Variants in DSP observed in about 807,000 individuals in gnomAD.
DSP encodes desmoplakin.
In DSP, 114 loss-of-function variants were observed where a neutral mutation model predicts 290.6. The observed-to-expected ratio is 0.39, with a 90% CI of 0.34 to 0.46. The LOEUF (loss-of-function observed/expected upper bound fraction) is 0.46. Ranked by LOEUF, DSP falls within the 20% of genes least tolerant of loss-of-function variation. The probability of loss-of-function intolerance (pLI) is 0.99; values close to 1 mark genes in which losing one functional copy is unlikely to be tolerated. For synonymous variants in DSP, 1,311 were observed against 1,316.4 expected (o/e 1.00, Z 0.09); for missense variants, 3,230 against 3,495.8 (o/e 0.92, Z 1.92).
Position 7,571,597 on chromosome 6 carries a change from C to T in DSP, c.1903+13C>T, listed in dbSNP as rs1430955822. Reference sequence around the variant, plus strand: ...CAGCACCAGACAGGTCGGCTTGGGACATCTTTCTCTTTGTATCAACCATCC... The same window carrying T: ...CAGCACCAGACAGGTCGGCTTGGGATATCTTTCTCTTTGTATCAACCATCC... On this transcript the variant is annotated intron_variant, in intron 14 of 23. Transcript: ENST00000379802. 3.1e-6 allele frequency: 5 copies of T among 1,613,986 alleles called. No homozygotes were observed. Among genetic ancestry groups the T allele is most frequent in the East Asian group, 2.2e-5 (1 of 44,886 alleles).
Position 7,574,267 on chromosome 6 carries a change from C to T in DSP, c.2297+15C>T. On this transcript the variant is annotated intron_variant, in intron 16 of 23. Transcript: ENST00000379802. ...TACTTAAATAGGTAAACTCAGCTAA[C>T]ACTAATCTCATATTTTCCTTTTCTC... is the stretch of plus-strand genomic sequence containing the variant. 1 of 1,612,046 alleles carries T rather than the reference C, an allele frequency of 6.2e-7. No homozygotes were observed. The highest frequency in any genetic ancestry group is 8.5e-7 in the Non-Finnish European group (1 of 1,179,088).
rs936607131 is a variant in DSP, at chr6:7,559,209, G to A, written c.423-17G>A. 57 of 1,612,982 alleles carry A rather than the reference G, an allele frequency of 3.5e-5. No homozygotes were observed. The highest frequency in any genetic ancestry group is 4.6e-5 in the Non-Finnish European group (54 of 1,179,934). On this transcript the variant is annotated splice_polypyrimidine_tract_variant and intron_variant, in intron 3 of 23. Transcript: ENST00000379802. Reference sequence around the variant, plus strand: ...GGCTGTTTTCCTGCAGTGGTTTAAAGGTTTTTTTCTTTGCAGGCTTCTTCA... The same window carrying A: ...GGCTGTTTTCCTGCAGTGGTTTAAAAGTTTTTTTCTTTGCAGGCTTCTTCA...
rs199853885 is a variant in DSP, at chr6:7,548,992, G to T, written c.171-6726G>T. ...AGACATGGGACTTTGCTCTCCAGGA[G>T]CAGGTAGCCAGGTGTGTTTAAACTA... On this transcript the variant is annotated intron_variant, in intron 1 of 23. Coordinates refer to ENST00000379802, the MANE Select transcript of DSP (RefSeq NM_004415.4). Among the ~76,000 whole-genome samples the T allele has an allele frequency of 2.6e-5, 4 of 152,184 alleles. No homozygotes were observed. The East Asian group carries it at 5.8e-4, about 22-fold the overall frequency.
chr6:7,563,736 C>A lies in DSP; in HGVS notation c.727C>A (p.Arg243Ser). 1.9e-5 allele frequency: 31 copies of A among 1,613,116 alleles called. No homozygotes were observed. The highest frequency in any genetic ancestry group is 2.6e-5 in the Non-Finnish European group (31 of 1,179,094). ...CTACCTGCTTTTTGTTGTCTTCTAG[C>A]GCGAGAAATCTGCGATCTACCAGTT... is the stretch of plus-strand genomic sequence containing the variant. ...WQLDKIKADL[R>S]EKSAIYQLEE... Residue 243 changes from arginine (R) to serine (S), a missense_variant and splice_region_variant, in exon 6 of 24, where the codon CGC becomes AGC. Physicochemically the swap from Arg to Ser is moderately radical, Grantham distance 110. Around this residue, in one of 5 missense-constraint regions of DSP, gnomAD observed 646 missense variants for 684.3 expected, o/e 0.94. Coordinates refer to ENST00000379802, the MANE Select transcript of DSP (RefSeq NM_004415.4).
intron 1 of DSP, among the ~76,000 whole-genome samples, chr6:7,547,002 G>A (rs1056703388): frequency 1.3e-5 from 2 of 152,198 alleles, no homozygotes; most frequent in African/African-American, 4.8e-5. Context: ...GAGGGCTTGG[G>A]TGTGAGACTT....
intron 6 of DSP, among the ~76,000 whole-genome samples, chr6:7,564,085 A>G (rs1758787424): frequency 6.6e-6 from 1 of 152,250 alleles, no homozygotes; most frequent in South Asian, 2.1e-4. Context: ...GGCGTGAGCC[A>G]CTGCGCCCGG....
At position 7,542,105 on chromosome 6, in the gene DSP, G is replaced by A; in HGVS notation, c.170+20G>A. The A allele has an allele frequency of 6.4e-7, 1 of 1,552,596 alleles. No individual in the cohort carries two copies. Among genetic ancestry groups the A allele is most frequent in the Non-Finnish European group, 8.7e-7 (1 of 1,148,172 alleles). On this transcript the variant is annotated intron_variant, in intron 1 of 23. Transcript: ENST00000379802. ...CTACTGGTGGGTACCTGCCCGGAGA[G>A]CGCGGGCTGCGGGGCTCGCGGGACA...
rs1036565575 is a variant in DSP at position 7,558,160 on chromosome 6, A to G, written c.318A>G (p.Glu106=). The G allele has an allele frequency of 1.2e-6, 2 of 1,614,128 alleles. No individual in the cohort carries two copies. Among genetic ancestry groups the G allele is most frequent in the Non-Finnish European group, 1.7e-6 (2 of 1,180,058 alleles). ...GAATACAACTGACTCGGAGTCGAGA[A>G]TTGGATGAGTGTTTTGCCCAGGCCA... ...GDGIQLTRSR[E]LDECFAQAND... Residue 106 remains glutamate (E), a synonymous_variant, in exon 3 of 24, where the codon GAA becomes GAG. Transcript: ENST00000379802.
At chr6:7,542,278 T>C (rs1315487344) in intron 1 of DSP, among the ~76,000 whole-genome samples, 193 bp downstream of exon 1, 1 of 151,856 alleles carries the variant, frequency 6.6e-6, no homozygotes, top group Non-Finnish European at 1.5e-5. Flanking sequence ...TTGGCCCCTG[T>C]CCTGCGAACA....
rs1185761680 is a variant in DSP, at chr6:7,583,472, C to T, written c.6210C>T (p.Asp2070=). 2 of 1,614,076 alleles carry T rather than the reference C, an allele frequency of 1.2e-6. No homozygotes were observed. Among genetic ancestry groups the T allele is most frequent in the South Asian group, 2.2e-5 (2 of 91,090 alleles). ...ATCGGAATGAGAAGCTGACTGTCGA[C>T]AGTGCCATAGCTCGGGACCTCATTG... ...DPHRNEKLTV[D]SAIARDLIDF... The change falls in exon 24 of 24, where the codon GAC becomes GAT. Residue 2070 remains aspartate, a synonymous_variant. Transcript: ENST00000379802. The surrounding 1 kb of genome is among the most constrained non-coding windows in gnomAD (Gnocchi z 4.0).
chr6:7,583,680 A>G lies in DSP; in HGVS notation c.6418A>G (p.Ser2140Gly). The G allele has an allele frequency of 2.5e-6, 4 of 1,614,176 alleles. No homozygotes were observed. The highest frequency in any genetic ancestry group is 1.1e-5 in the South Asian group (1 of 91,086). Reference protein sequence around the residue: ...ASGGVVDPVNSVFLPKDVALA... With the variant: ...ASGGVVDPVNGVFLPKDVALA... Reference sequence around the variant, plus strand: ...AGGGGGTGTAGTAGACCCTGTGAACAGTGTCTTTTTGCCAAAAGATGTCGC... The same window carrying G: ...AGGGGGTGTAGTAGACCCTGTGAACGGTGTCTTTTTGCCAAAAGATGTCGC... Residue 2140 changes from serine (S) to glycine (G), a missense_variant, in exon 24 of 24, where the codon AGT (serine) becomes GGT (glycine). This residue lies in a region of DSP where 1,714 missense variants were observed against 1,844.5 expected (regional missense o/e 0.93). Coordinates refer to ENST00000379802, the MANE Select transcript of DSP (RefSeq NM_004415.4). This position sits in a 1 kb window ranked among gnomAD's most constrained non-coding sequence, Gnocchi z 4.0.
Position 7,585,189 on chromosome 6 carries a change from G to A in DSP, c.7927G>A (p.Asp2643Asn). 1 of 1,614,158 alleles carries A rather than the reference G, an allele frequency of 6.2e-7. No individual in the cohort carries two copies. Among genetic ancestry groups the A allele is most frequent in the Non-Finnish European group, 8.5e-7 (1 of 1,180,030 alleles). ...AGAAGGTATAGAGCGGGGCATCGTT[G>A]ACAGCATCACGGGTCAGAGGCTTCT... is the stretch of plus-strand genomic sequence containing the variant. ...ITEGIERGIV[D>N]SITGQRLLEA... The change falls in exon 24 of 24, where the codon GAC (aspartate) becomes AAC (asparagine). Residue 2643 changes from aspartate (D) to asparagine (N), a missense_variant. Around this residue, in one of 5 missense-constraint regions of DSP, gnomAD observed 582 missense variants for 555.4 expected, o/e 1.05. Coordinates refer to ENST00000379802, the MANE Select transcript of DSP (RefSeq NM_004415.4).
chr6:7,575,632 C>A, intron 18 of DSP, 144 bp downstream of exon 18: 1 of 991,948 alleles, frequency 1.0e-6, no homozygotes, highest in Non-Finnish European at 1.5e-6. Context: ...TTTTCATGGA[C>A]TGCCTGTATG....
Position 7,571,582 on chromosome 6 carries a change from C to A in DSP, c.1901C>A (p.Thr634Lys), listed in dbSNP as rs139964486. The A allele has an allele frequency of 1.2e-6, 2 of 1,614,164 alleles. No individual in the cohort carries two copies. The highest frequency in any genetic ancestry group is 1.7e-6 in the Non-Finnish European group (2 of 1,179,998). ...CTCCCTGGCTATCCCCAGCACCAGA[C>A]AGGTCGGCTTGGGACATCTTTCTCT... ...IQLPGYPQHQ[T>K]VTTTEITHHG... The change falls in exon 14 of 24, where the codon ACA becomes AAA. Residue 634 changes from threonine (T) to lysine (K), a missense_variant and splice_region_variant. By Grantham distance (78) the Thr-to-Lys change is moderately conservative (BLOSUM62 -1). Around this residue, in one of 5 missense-constraint regions of DSP, gnomAD observed 81 missense variants for 130.5 expected, o/e 0.62. Coordinates refer to ENST00000379802, the MANE Select transcript of DSP (RefSeq NM_004415.4).
At chr6:7,557,879 A>G (rs554966881) in intron 2 of DSP, among the ~76,000 whole-genome samples, 1 of 152,330 alleles carries the variant, frequency 6.6e-6, no homozygotes, top group East Asian at 1.9e-4. Flanking sequence ...AGCAAGGGGA[A>G]GGTTAGCATT....
At position 7,571,964 on chromosome 6, in the gene DSP, C is replaced by G. The variant is rs756249036; in HGVS notation, c.2026C>G (p.Arg676Gly). Residue 676 changes from arginine to glycine, a missense_variant, in exon 15 of 24, where the codon CGC becomes GGC. Physicochemically the swap from Arg to Gly is moderately radical, Grantham distance 125 (BLOSUM62 -2). This residue lies in a region of DSP where 1,714 missense variants were observed against 1,844.5 expected (regional missense o/e 0.93). Coordinates refer to ENST00000379802, the MANE Select transcript of DSP (RefSeq NM_004415.4). ...TWMLMELQKI[R>G]RQIEHCEGRM... ...GATGCTGATGGAGCTGCAGAAGATT[C>G]GCAGGCAGATAGAGCACTGCGAGGG... The G allele has an allele frequency of 8.1e-6, 13 of 1,614,114 alleles. No homozygotes were observed. Among genetic ancestry groups the G allele is most frequent in the Non-Finnish European group, 1.1e-5 (13 of 1,180,030 alleles).
chr6:7,546,922 G>A (rs180713296), intron 1 of DSP, among the ~76,000 whole-genome samples: 30 of 152,266 alleles, frequency 2.0e-4, no homozygotes, highest in African/African-American at 7.0e-4. Flanking sequence ...GGTAATGGAA[G>A]TGTCTTGGAA....
At position 7,583,232 on chromosome 6, in the gene DSP, C is replaced by T. The variant is rs992636849; in HGVS notation, c.5970C>T (p.Thr1990=). 1 of 1,614,144 alleles carries T rather than the reference C, an allele frequency of 6.2e-7. No homozygotes were observed. Among genetic ancestry groups the T allele is most frequent in the Non-Finnish European group, 8.5e-7 (1 of 1,180,028 alleles). Residue 1990 remains threonine, a synonymous_variant, in exon 24 of 24, where the codon ACC becomes ACT. Coordinates refer to ENST00000379802, the MANE Select transcript of DSP (RefSeq NM_004415.4). This position sits in a 1 kb window ranked among gnomAD's most constrained non-coding sequence, Gnocchi z 4.0. The stretch of plus-strand genomic sequence containing the variant: ...AGTGTCAGCTGATCGACAAAACAAC[C>T]TTGGACAAACTATTGAAGGGGAAGA... The part of the protein sequence containing the change: ...LYECQLIDKT[T]LDKLLKGKKS...
chr6:7,571,708 A>C, intron 14 of DSP, 124 bp downstream of exon 14: 11 of 1,504,966 alleles, frequency 7.3e-6, no homozygotes, highest in Non-Finnish European at 9.2e-6. Flanking sequence ...TTCTTCGTGC[A>C]CTAAATTTTC....
Sources: allele counts gnomAD v4.1 joint callset (sites outside exome capture counted in the v4.1 genomes callset), GRCh38; gene constraint gnomAD v4.1.1; regional missense constraint gnomAD v4.1.1; non-coding constraint Gnocchi (gnomAD v3.1); transcripts MANE v1.5; gene names NCBI Gene and HGNC (gene_info 2026-07-23, HGNC 2026-07-21).